DCDC1: variants seen among roughly 807,000 people sequenced by gnomAD.
The protein encoded by DCDC1 is doublecortin domain containing 1.
A neutral mutation model predicts 178.3 loss-of-function variants in DCDC1; 200 were observed. The ratio of observed to expected loss-of-function variants is 1.12; its 90% CI spans 1.00 to 1.26. DCDC1 has a LOEUF of 1.26. Among genes scored for constraint, DCDC1 ranks in the 50% most tolerant of loss-of-function variants. The pLI, the probability that DCDC1 is intolerant of heterozygous loss-of-function variation, is 0.00. For missense variants in DCDC1, 1,983 were observed against 1,749.2 expected, an observed-to-expected ratio of 1.13 and a Z score of -2.38; for synonymous variants, 690 against 604.8, an observed-to-expected ratio of 1.14 and a Z score of -2.07.
At chr11:31,143,421 G>C (rs1964080781) in intron 9 of DCDC1, among the ~76,000 whole-genome samples, 1 of 152,156 alleles carries the variant, frequency 6.6e-6, no homozygotes, top group Admixed American at 6.5e-5. Context: ...GCAAGAAGCA[G>C]AGAGAAAGGG....
intron 8 of DCDC1, among the ~76,000 whole-genome samples, chr11:31,256,692 T>C (rs543575143): frequency 6.6e-6 from 1 of 152,332 alleles, no homozygotes; most frequent in East Asian, 1.9e-4. Context: ...TATACAGCTT[T>C]GTAGTTGTAT....
chr11:31,365,804 G>A (rs567701733), intron 1 of DCDC1, among the ~76,000 whole-genome samples: 56 of 152,160 alleles, frequency 3.7e-4, no homozygotes, highest in African/African-American at 1.2e-3. Flanking sequence ...TGCTGATGAC[G>A]CAAACTAAAG....
intron 34 of DCDC1, among the ~76,000 whole-genome samples, chr11:30,898,651 C>CTAGCAGTAGGAGTGGTAGAAGT (rs1452395184): frequency 6.6e-6 from 1 of 152,164 alleles, no homozygotes; most frequent in African/African-American, 2.4e-5. Flanking sequence ...GTGAAAATGT[C>CTAGCAGTAGGAGTGGTAGAAGT]TAGCAGTAGG....
rs770105826 is a variant in DCDC1 at position 30,920,809 on chromosome 11, G to C, written c.3260C>G (p.Pro1087Arg). Residue 1087 changes from proline (P) to arginine (R), a missense_variant, in exon 25 of 39, where the codon CCT becomes CGT. By Grantham distance (103) the Pro-to-Arg change is moderately radical. Transcript: ENST00000684477. ...EPEEKQMQED[P>R]LTTENASSEI... ...ACTGGAAGCATTTTCCGTTGTTAGAGGATCTTCTTGCATTTGCTTTTCTTC... is the reference window on the plus strand; with the variant it reads ...ACTGGAAGCATTTTCCGTTGTTAGACGATCTTCTTGCATTTGCTTTTCTTC... 6 of 1,613,462 alleles carry C rather than the reference G, an allele frequency of 3.7e-6. No homozygotes were observed. In the African/African-American group the frequency reaches 6.7e-5, roughly 18 times the overall value.
At chr11:31,043,569 C>A (rs1954619102) in intron 20 of DCDC1, among the ~76,000 whole-genome samples, 1 of 151,834 alleles carries the variant, frequency 6.6e-6, no homozygotes, top group Admixed American at 6.6e-5. Context: ...ACTAAGAGAA[C>A]AAACCAACAT....
At chr11:30,939,548 T>G (rs73465145) in intron 21 of DCDC1, among the ~76,000 whole-genome samples, 3,821 of 152,306 alleles carry the variant, frequency 0.025, 162 homozygotes, top group African/African-American at 0.085. Context: ...TCCTCACTGG[T>G]TGAGAACTAT....
chr11:30,977,662 G>A (rs1279993196), intron 20 of DCDC1, among the ~76,000 whole-genome samples: 1 of 152,120 alleles, frequency 6.6e-6, no homozygotes, highest in Non-Finnish European at 1.5e-5. Context: ...AGGCATGGTG[G>A]CTCGCACCTG....
chr11:30,935,787 C>T (rs1370847581), intron 21 of DCDC1, among the ~76,000 whole-genome samples: 2 of 152,072 alleles, frequency 1.3e-5, no homozygotes, highest in African/African-American at 4.8e-5. Flanking sequence ...CTCCTGACCT[C>T]GTGATCCGCC....
intron 27 of DCDC1, among the ~76,000 whole-genome samples, chr11:30,913,301 G>A (rs528052705): frequency 3.3e-5 from 5 of 152,082 alleles, no homozygotes; most frequent in Admixed American, 2.0e-4. Context: ...CCAGCTACTC[G>A]GAGAGGCTGA....
chr11:31,157,365 A>AT (rs1965818303), intron 9 of DCDC1, among the ~76,000 whole-genome samples: 1 of 105,954 alleles, frequency 9.4e-6, no homozygotes, highest in Non-Finnish European at 2.1e-5. Context: ...CAAAAAAAAA[A>AT]AAAAAAAATA....
intron 20 of DCDC1, among the ~76,000 whole-genome samples, chr11:31,020,282 G>A (rs887249395): frequency 6.6e-6 from 1 of 152,148 alleles, no homozygotes; most frequent in Non-Finnish European, 1.5e-5. Context: ...CAACTTCACA[G>A]ATCCTTTGAA....
chr11:31,188,630 C>T (rs930099863), intron 9 of DCDC1, among the ~76,000 whole-genome samples: 1 of 152,048 alleles, frequency 6.6e-6, no homozygotes, highest in Admixed American at 6.6e-5. Flanking sequence ...GCCATGTATA[C>T]CAAACAAACA....
intron 7 of DCDC1, among the ~76,000 whole-genome samples, chr11:31,278,744 T>C (rs957823384): frequency 1.2e-4 from 18 of 152,130 alleles, no homozygotes; most frequent in Admixed American, 9.8e-4. Context: ...TTCCACAATG[T>C]AGGCATATTT....
chr11:31,141,561 T>C (rs995192660), intron 9 of DCDC1, among the ~76,000 whole-genome samples: 1 of 152,176 alleles, frequency 6.6e-6, no homozygotes, highest in African/African-American at 2.4e-5. Context: ...TTTCATGAGA[T>C]CAATAGATCA....
intron 20 of DCDC1, among the ~76,000 whole-genome samples, chr11:31,025,960 A>C (rs1471603889): frequency 6.6e-6 from 1 of 151,864 alleles, no homozygotes; most frequent in African/African-American, 2.4e-5. Context: ...AAGCCTTTAG[A>C]ATTGAAGCTT....
intron 18 of DCDC1, among the ~76,000 whole-genome samples, chr11:31,075,101 T>C (rs191477302): frequency 1.4e-4 from 22 of 152,336 alleles, no homozygotes; most frequent in African/African-American, 5.1e-4. Context: ...TCTATGTCCA[T>C]GTGTACACAT....
intron 1 of DCDC1, among the ~76,000 whole-genome samples, chr11:31,367,167 C>T (rs1952004565): frequency 1.3e-5 from 2 of 152,132 alleles, no homozygotes; most frequent in African/African-American, 4.8e-5. Flanking sequence ...GGCATAGTGG[C>T]ATGCACCTGT....
intron 9 of DCDC1, among the ~76,000 whole-genome samples, chr11:31,186,920 T>A (rs1969571296): frequency 6.6e-6 from 1 of 152,182 alleles, no homozygotes; most frequent in African/African-American, 2.4e-5. Context: ...CTCCTCTGCC[T>A]CTCCCATTTT....
At chr11:31,344,371 C>T (rs528577014) in intron 1 of DCDC1, among the ~76,000 whole-genome samples, 1 of 152,260 alleles carries the variant, frequency 6.6e-6, no homozygotes, top group Admixed American at 6.5e-5. Context: ...ACTATGTGCT[C>T]CCCTCTGATA....
Sources: gnomAD v4.1 joint callset for allele counts (sites outside exome capture counted in the v4.1 genomes callset) on GRCh38, gnomAD v4.1.1 for gene constraint, MANE v1.5 for transcripts, NCBI Gene and HGNC (gene_info 2026-07-23, HGNC 2026-07-21) for gene names.